The following CADM2 variants were observed in gnomAD, a reference collection of about 807,000 sequenced individuals.
CADM2 encodes immunoglobulin superfamily member 4D.
In CADM2, 12 loss-of-function variants were observed where a neutral mutation model predicts 49.8. The ratio of observed to expected loss-of-function variants is 0.24; its 90% CI spans 0.15 to 0.39. CADM2 has a LOEUF of 0.39. Ranked by LOEUF, CADM2 falls within the 10% of genes least tolerant of loss-of-function variation. The pLI, the probability that CADM2 is intolerant of heterozygous loss-of-function variation, is 1.00. For missense variants in CADM2, 378 were observed against 492.3 expected (o/e 0.77, Z 2.20); for synonymous variants, 214 against 175.4 (o/e 1.22, Z -1.74).
At chr3:85,806,209 A>C (rs1319285598) in intron 3 of CADM2, among the ~76,000 whole-genome samples, 5 of 151,406 alleles carry the variant, frequency 3.3e-5, no homozygotes, top group Admixed American at 6.6e-5. Flanking sequence ...GAAGGAAAGA[A>C]GGAAGGAAGG....
At chr3:85,212,664 T>C (rs1479109518) in intron 1 of CADM2, among the ~76,000 whole-genome samples, 1 of 151,976 alleles carries the variant, frequency 6.6e-6, no homozygotes, top group Admixed American at 6.6e-5. Context: ...AAAATTGTTA[T>C]AGGTATTTTT....
intron 1 of CADM2, among the ~76,000 whole-genome samples, chr3:85,046,823 T>C (rs554901197): frequency 6.6e-6 from 1 of 152,196 alleles, no homozygotes. Context: ...TACTATTCAT[T>C]ACATGTAAAG....
intron 2 of CADM2, among the ~76,000 whole-genome samples, chr3:85,773,170 A>G (rs1193594920): frequency 6.6e-6 from 1 of 151,954 alleles, no homozygotes; most frequent in Admixed American, 6.6e-5. Flanking sequence ...AAACAAAATA[A>G]AAAAGACCTG....
rs1009285566 is a variant in CADM2 at position 85,019,277 on chromosome 3, G to T, written c.61+59609G>T. ...GGAAGAGGATTGCTTGAGCCCAGAA[G>T]TTTGCGACCAACCTGGGCAACATGG... On this transcript the variant is annotated intron_variant, in intron 1 of 9. Coordinates refer to ENST00000383699, the MANE Select transcript of CADM2 (RefSeq NM_001167675.2). Among the ~76,000 whole-genome samples, 3 of 152,088 alleles carry T rather than the reference G, an allele frequency of 2.0e-5. No individual in the cohort carries two copies. In the South Asian group the frequency reaches 6.2e-4, roughly 31 times the overall value.
intron 1 of CADM2, among the ~76,000 whole-genome samples, chr3:85,315,412 C>T (rs1275467740): frequency 6.6e-6 from 1 of 151,896 alleles, no homozygotes. Context: ...TTTTGGGTGA[C>T]ATAATTTAAA....
intron 1 of CADM2, among the ~76,000 whole-genome samples, chr3:85,531,115 C>G (rs574252456): frequency 6.6e-6 from 1 of 152,302 alleles, no homozygotes; most frequent in Non-Finnish European, 1.5e-5. Flanking sequence ...ACCCGATTCA[C>G]TGAATATCCT....
At chr3:85,673,909 A>C (rs2065819514) in intron 1 of CADM2, among the ~76,000 whole-genome samples, 1 of 152,158 alleles carries the variant, frequency 6.6e-6, no homozygotes, top group South Asian at 2.1e-4. Context: ...TGCCATTAAA[A>C]AATTTTAACC....
At chr3:85,555,727 G>A (rs1355937890) in intron 1 of CADM2, among the ~76,000 whole-genome samples, 1 of 151,846 alleles carries the variant, frequency 6.6e-6, no homozygotes, top group Non-Finnish European at 1.5e-5. Context: ...TGTTCCAAGG[G>A]ATATTTTAAA....
At chr3:85,492,303 A>T (rs2107648796) in intron 1 of CADM2, among the ~76,000 whole-genome samples, 1 of 152,264 alleles carries the variant, frequency 6.6e-6, no homozygotes, top group Non-Finnish European at 1.5e-5. Flanking sequence ...TAAATGGAAT[A>T]TTTCGAAGCC....
chr3:85,134,794 T>A (rs915122434), intron 1 of CADM2, among the ~76,000 whole-genome samples: 6 of 152,216 alleles, frequency 3.9e-5, no homozygotes, highest in South Asian at 2.1e-4. Context: ...GCAAATTTTT[T>A]AAAAATTTTA....
intron 1 of CADM2, among the ~76,000 whole-genome samples, chr3:85,198,167 G>GCT (rs2041392834): frequency 6.6e-6 from 1 of 151,704 alleles, no homozygotes; most frequent in Non-Finnish European, 1.5e-5. Context: ...CTAATTAACA[G>GCT]AATTATAATT....
intron 1 of CADM2, among the ~76,000 whole-genome samples, chr3:85,027,964 A>T (rs1315359307): frequency 2.6e-5 from 4 of 152,064 alleles, no homozygotes; most frequent in East Asian, 1.9e-4. Flanking sequence ...TGCATACAGA[A>T]TTTTTTTTCT....
chr3:85,436,260 G>C (rs950040923), intron 1 of CADM2, among the ~76,000 whole-genome samples: 4 of 152,038 alleles, frequency 2.6e-5, no homozygotes, highest in Non-Finnish European at 5.9e-5. Flanking sequence ...TGAGATTTTT[G>C]AACATTGATT....
intron 1 of CADM2, among the ~76,000 whole-genome samples, chr3:84,968,475 T>C (rs1224198289): frequency 6.6e-6 from 1 of 152,016 alleles, no homozygotes; most frequent in Non-Finnish European, 1.5e-5. Context: ...TGTATTAATG[T>C]GTAGGTGGTA....
At chr3:85,343,172 G>A (rs1432193409) in intron 1 of CADM2, among the ~76,000 whole-genome samples, 2 of 152,130 alleles carry the variant, frequency 1.3e-5, no homozygotes, top group East Asian at 3.9e-4. Context: ...GTACAGCACA[G>A]CCTCCCACGA....
chr3:85,039,524 G>A (rs942745393), intron 1 of CADM2, among the ~76,000 whole-genome samples: 3 of 152,010 alleles, frequency 2.0e-5, no homozygotes, highest in Non-Finnish European at 4.4e-5. Context: ...TAAAGCTATG[G>A]TATACTGATA....
chr3:85,604,409 A>C (rs977574909), intron 1 of CADM2, among the ~76,000 whole-genome samples: 1 of 151,936 alleles, frequency 6.6e-6, no homozygotes, highest in East Asian at 1.9e-4. Context: ...TAATTCCTAA[A>C]GACTACAAGT....
intron 1 of CADM2, among the ~76,000 whole-genome samples, chr3:85,135,836 T>A (rs1264800986): frequency 6.6e-6 from 1 of 152,056 alleles, no homozygotes; most frequent in East Asian, 1.9e-4. Context: ...TAGAGAGCCG[T>A]AGTATTGAAT....
chr3:85,862,003 C>T (rs2075554706), intron 3 of CADM2, among the ~76,000 whole-genome samples: 1 of 152,086 alleles, frequency 6.6e-6, no homozygotes, highest in African/African-American at 2.4e-5. Context: ...CTCCATGCTA[C>T]ACAATTGCAA....
Sources: allele counts gnomAD v4.1 joint callset (sites outside exome capture counted in the v4.1 genomes callset), GRCh38; gene constraint gnomAD v4.1.1; transcripts MANE v1.5; gene names NCBI Gene and HGNC (gene_info 2026-07-23, HGNC 2026-07-21).